BAZ1B: variants seen among roughly 807,000 people sequenced by gnomAD.
BAZ1B encodes the protein bromodomain adjacent to zinc finger domain 1B, also known as tyrosine-protein kinase BAZ1B.
In BAZ1B, 22 loss-of-function variants were observed where a neutral mutation model predicts 153.8. The ratio of observed to expected loss-of-function variants is 0.14; its 90% CI spans 0.10 to 0.20. The LOEUF (loss-of-function observed/expected upper bound fraction) is 0.20. Ranked by LOEUF, BAZ1B falls within the 10% of genes least tolerant of loss-of-function variation. The probability of loss-of-function intolerance (pLI) is 1.00; values close to 1 mark genes in which losing one functional copy is unlikely to be tolerated. For synonymous variants in BAZ1B, 676 were observed against 633.4 expected (o/e 1.07, Z -1.01); for missense variants, 1,325 against 1,799.3 (o/e 0.74, Z 4.77).
intron 1 of BAZ1B, among the ~76,000 whole-genome samples, chr7:73,513,439 G>C (rs1790665107): frequency 1.3e-5 from 2 of 152,118 alleles, no homozygotes; most frequent in Admixed American, 1.3e-4. Flanking sequence ...TACAGGGGTG[G>C]TGCTAATATC....
At chr7:73,457,027 G>T (rs1253001026) in intron 13 of BAZ1B, among the ~76,000 whole-genome samples, 2 of 143,846 alleles carry the variant, frequency 1.4e-5, no homozygotes, top group Non-Finnish European at 3.0e-5. Flanking sequence ...TTGCTGGAGA[G>T]AATGTAAAAT....
intron 12 of BAZ1B, among the ~76,000 whole-genome samples, chr7:73,460,355 A>T (rs1360982774): frequency 6.6e-6 from 1 of 152,210 alleles, no homozygotes; most frequent in Non-Finnish European, 1.5e-5. Context: ...TTTAACGCAA[A>T]GACACACTAA....
chr7:73,488,976 G>C (rs1554574946), intron 6 of BAZ1B, among the ~76,000 whole-genome samples: 1 of 152,100 alleles, frequency 6.6e-6, no homozygotes, highest in African/African-American at 2.4e-5. Flanking sequence ...AATTATGCTA[G>C]CATAATAAAA....
chr7:73,502,240 GT>G (rs1790162583), intron 3 of BAZ1B, among the ~76,000 whole-genome samples: 1 of 151,954 alleles, frequency 6.6e-6, no homozygotes, highest in Admixed American at 6.6e-5. Flanking sequence ...GGTCACTACT[GT>G]TTTTCCAGCA....
intron 6 of BAZ1B, among the ~76,000 whole-genome samples, chr7:73,483,568 A>G (rs1554574033): frequency 6.6e-6 from 1 of 152,046 alleles, no homozygotes; most frequent in Non-Finnish European, 1.5e-5. Context: ...TTTTTCTTCT[A>G]GCAACCATTC....
intron 6 of BAZ1B, among the ~76,000 whole-genome samples, chr7:73,481,183 A>T (rs533997299): frequency 6.6e-6 from 1 of 151,812 alleles, no homozygotes; most frequent in Non-Finnish European, 1.5e-5. Flanking sequence ...TCCGCCTCCC[A>T]AAGTGCTGGG....
At chr7:73,492,654 ATTAATT>A in intron 5 of BAZ1B, 140 bp downstream of exon 5, 1 of 716,938 alleles carries the variant, frequency 1.4e-6, no homozygotes, top group Non-Finnish European at 2.2e-6. Context: ...ACTTGAAGTC[ATTAATT>A]ACTGTAACTA....
At position 73,477,112 on chromosome 7, in the gene BAZ1B, C is replaced by A. The variant is rs1554572919; in HGVS notation, c.2349G>T (p.Val783=). ...TCTTCTTATCATTTTCTTCCTTCAA[C>A]ACAGCAAGCCGTTCCTTCCACAACT... is the stretch of plus-strand genomic sequence containing the variant. ...SAELWKERLA[V]LKEENDKKRA... is the part of the protein sequence containing the mutation. Residue 783 remains valine, a synonymous_variant, in exon 7 of 20, where the codon GTG becomes GTT. Coordinates refer to ENST00000339594, the MANE Select transcript of BAZ1B (RefSeq NM_032408.4). This position sits in a 1 kb window ranked among gnomAD's most constrained non-coding sequence, Gnocchi z 5.6. 1 of 1,614,060 alleles carries A rather than the reference C, an allele frequency of 6.2e-7. No homozygotes were observed. Among genetic ancestry groups the A allele is most frequent in the African/African-American group, 1.3e-5 (1 of 74,930 alleles).
chr7:73,511,284 A>T (rs1195594781), intron 1 of BAZ1B, among the ~76,000 whole-genome samples: 1 of 152,032 alleles, frequency 6.6e-6, no homozygotes. Flanking sequence ...AAAAAAATAA[A>T]AAAAAATGAA....
chr7:73,454,794 C>T (rs1285956286), intron 13 of BAZ1B, among the ~76,000 whole-genome samples: 5 of 152,154 alleles, frequency 3.3e-5, no homozygotes, highest in African/African-American at 1.2e-4. Context: ...TTACTGGTCA[C>T]ACCACAGTAA....
At chr7:73,491,377 A>G (rs1480222223) in intron 5 of BAZ1B, among the ~76,000 whole-genome samples, 1 of 152,126 alleles carries the variant, frequency 6.6e-6, no homozygotes, top group Non-Finnish European at 1.5e-5. Context: ...GGGGTGGTAG[A>G]CCACCTGAGG....
intron 6 of BAZ1B, among the ~76,000 whole-genome samples, chr7:73,485,951 G>T (rs1007552880): frequency 6.6e-6 from 1 of 152,136 alleles, no homozygotes; most frequent in African/African-American, 2.4e-5. Flanking sequence ...ATGAGCTAGA[G>T]ATTTCATCTT....
intron 7 of BAZ1B, among the ~76,000 whole-genome samples, chr7:73,475,698 A>G (rs1554572651): frequency 6.6e-6 from 1 of 151,854 alleles, no homozygotes; most frequent in East Asian, 1.9e-4. Context: ...ACTTTGGGAG[A>G]CTGAGGCGGG....
rs1563373729 is a variant in BAZ1B at position 73,466,412 on chromosome 7, T to C, written c.2867-11A>G. 1.3e-6 allele frequency: 2 copies of C among 1,592,066 alleles called. No homozygotes were observed. Among genetic ancestry groups the C allele is most frequent in the Non-Finnish European group, 1.7e-6 (2 of 1,160,080 alleles). ...AGTTTGCTTTCTTACCTAAGAAAAATTGAGACATTAGGTTGACTTTAGTAA... is the reference window on the plus strand; with the variant it reads ...AGTTTGCTTTCTTACCTAAGAAAAACTGAGACATTAGGTTGACTTTAGTAA... On this transcript the variant is annotated splice_polypyrimidine_tract_variant and intron_variant, in intron 9 of 19. Coordinates refer to ENST00000339594, the MANE Select transcript of BAZ1B (RefSeq NM_032408.4).
At chr7:73,469,464 T>C (rs1788713855) in intron 9 of BAZ1B, 53 bp downstream of exon 9, 3 of 1,602,000 alleles carry the variant, frequency 1.9e-6, no homozygotes, top group Non-Finnish European at 2.6e-6. Context: ...GTCCTTAATG[T>C]TGAGCCCACT....
chr7:73,495,260 G>A (rs1412463194), intron 4 of BAZ1B, among the ~76,000 whole-genome samples: 1 of 152,206 alleles, frequency 6.6e-6, no homozygotes, highest in East Asian at 1.9e-4. Context: ...TCCAGCCTGG[G>A]TGACAGAGCG....
chr7:73,469,067 T>G (rs1201959153), intron 9 of BAZ1B, among the ~76,000 whole-genome samples: 2 of 149,760 alleles, frequency 1.3e-5, no homozygotes, highest in African/African-American at 4.9e-5. Flanking sequence ...GAGGTGGAGG[T>G]TGCAGTGAGC....
At chr7:73,469,724 A>AT in intron 8 of BAZ1B, 74 bp from the exon 9 acceptor site, 1 of 1,547,000 alleles carries the variant, frequency 6.5e-7, no homozygotes, top group Non-Finnish European at 8.9e-7. Context: ...GCTGGAGAAG[A>AT]TAATACAGAG....
chr7:73,463,800 C>T (rs1315517229), intron 11 of BAZ1B, among the ~76,000 whole-genome samples: 2 of 152,008 alleles, frequency 1.3e-5, no homozygotes, highest in Admixed American at 6.6e-5. Context: ...CTCCACCTCC[C>T]GGGTTCAAGC....
Sources: allele counts gnomAD v4.1 joint callset (sites outside exome capture counted in the v4.1 genomes callset), GRCh38; gene constraint gnomAD v4.1.1; non-coding constraint Gnocchi (gnomAD v3.1); transcripts MANE v1.5; gene names NCBI Gene and HGNC (gene_info 2026-07-23, HGNC 2026-07-21).